SFPQ: variants seen among roughly 807,000 people sequenced by gnomAD.
SFPQ encodes the protein splicing factor, proline- and glutamine-rich.
A neutral mutation model predicts 72.9 loss-of-function variants in SFPQ; 11 were observed. The ratio of observed to expected loss-of-function variants is 0.15; its 90% CI spans 0.09 to 0.25. SFPQ has a LOEUF of 0.25. SFPQ is among the 10% of genes least tolerant of loss of function. The probability of loss-of-function intolerance (pLI) is 1.00; values close to 1 mark genes in which losing one functional copy is unlikely to be tolerated. For missense variants in SFPQ, 847 were observed against 993.3 expected (o/e 0.85, Z 1.98); for synonymous variants, 506 against 367.3 (o/e 1.38, Z -4.32).
In SFPQ at chr1:35,189,188, T is replaced by C; in HGVS notation, c.1610A>G (p.Gln537Arg). The C allele has an allele frequency of 6.2e-7, 1 of 1,613,842 alleles. No individual in the cohort carries two copies. Among genetic ancestry groups the C allele is most frequent in the Non-Finnish European group, 8.5e-7 (1 of 1,179,818 alleles). ...YHEHQANLLR[Q>R]DLMRRQEELR... ...TGTTCACGCACAGGTCTTTTTACCTTGGCGCAAAAGATTTGCCTGATGTTC... is the reference window on the plus strand; with the variant it reads ...TGTTCACGCACAGGTCTTTTTACCTCGGCGCAAAAGATTTGCCTGATGTTC... The change falls in exon 5 of 10, where the codon CAA (glutamine) becomes CGA (arginine). Residue 537 changes from glutamine (Q) to arginine (R), a missense_variant and splice_region_variant. Physicochemically the swap from Gln to Arg is conservative, Grantham distance 43. This residue lies in a region of SFPQ where 132 missense variants were observed against 255.4 expected (regional missense o/e 0.52). Coordinates refer to ENST00000357214, the MANE Select transcript of SFPQ (RefSeq NM_005066.3).
downstream of SFPQ, chr1:35,181,581 A>C (rs1639468350): frequency 9.4e-7 from 1 of 1,061,698 alleles, no homozygotes; most frequent in South Asian, 4.6e-5. Context: ...CCTATTAAAT[A>C]CACTGGGGTC....
downstream of SFPQ, chr1:35,182,373 T>A (rs141868035): frequency 1.0e-6 from 1 of 985,398 alleles, no homozygotes; most frequent in Non-Finnish European, 1.2e-6. Context: ...CTCACTGATA[T>A]AATCATGGTA....
At chr1:35,181,125 T>C, downstream of SFPQ, 1 of 1,065,174 alleles carries the variant, frequency 9.4e-7, no homozygotes, top group Non-Finnish European at 1.1e-6. Flanking sequence ...TTATATTGCT[T>C]GTTACCTACC....
downstream of SFPQ, chr1:35,179,455 C>G: frequency 8.5e-6 from 9 of 1,056,248 alleles, no homozygotes; most frequent in Non-Finnish European, 1.0e-5. Context: ...CACCTCTGAA[C>G]CCAAGACTGT....
downstream of SFPQ, chr1:35,179,260 C>CAT: frequency 9.4e-7 from 1 of 1,061,044 alleles, no homozygotes; most frequent in South Asian, 4.6e-5. Context: ...ATGCAACCCC[C>CAT]ATTAAGGTTA....
chr1:35,190,138 T>A (rs909265973), intron 4 of SFPQ, among the ~76,000 whole-genome samples: 3 of 151,618 alleles, frequency 2.0e-5, no homozygotes, highest in Admixed American at 1.3e-4. Flanking sequence ...CACATGCCTG[T>A]AATCCCAGCT....
At chr1:35,188,391 T>C (rs1037628845) in intron 6 of SFPQ, among the ~76,000 whole-genome samples, 2 of 152,200 alleles carry the variant, frequency 1.3e-5, no homozygotes, top group East Asian at 1.9e-4. Flanking sequence ...AGAATATAAA[T>C]GTTAGTGCAT....
chr1:35,180,017 A>C (rs1372939136), downstream of SFPQ: 3 of 1,051,836 alleles, frequency 2.9e-6, no homozygotes, highest in East Asian at 1.6e-4. Flanking sequence ...CTATCAGTAG[A>C]GTCCAAAGTT....
At chr1:35,176,828 T>A (rs1639261394) in intron 5 of SFPQ, among the ~76,000 whole-genome samples, 1 of 144,546 alleles carries the variant, frequency 6.9e-6, no homozygotes, top group Non-Finnish European at 1.5e-5. Context: ...GAGCCAAGAC[T>A]GTGCACCACT....
rs562316646 is a variant in SFPQ, at chr1:35,188,205, C to T, written c.1698-115G>A. On this transcript the variant is annotated intron_variant, in intron 6 of 9. Coordinates refer to ENST00000357214, the MANE Select transcript of SFPQ (RefSeq NM_005066.3). ...AGGTTAGCACTAAAAAACACAAAGG[C>T]TTAGAGTGAGCCTAGGGGCATAGTA... 31 of 772,212 alleles carry T rather than the reference C, an allele frequency of 4.0e-5. No individual in the cohort carries two copies. The East Asian group carries it at 7.3e-4, about 18-fold the overall frequency. The allele number at this position is 772,212 out of a possible 1,614,324, so 47.8% of individuals were successfully genotyped here. A position where few individuals can be genotyped will look rare whatever the true frequency, so the allele number is the denominator to read the frequency against.
intron 7 of SFPQ, among the ~76,000 whole-genome samples, chr1:35,187,753 AAAAAC>A (rs1028468568): frequency 3.3e-5 from 5 of 152,092 alleles, no homozygotes; most frequent in African/African-American, 4.8e-5. Context: ...AAACAAACAA[AAAAAC>A]AAAACAAAAC....
chr1:35,178,761 A>G (rs945702135), downstream of SFPQ: 3 of 1,054,308 alleles, frequency 2.8e-6, no homozygotes, highest in Non-Finnish European at 3.4e-6. Flanking sequence ...ATTACTGCAA[A>G]GGGTATATGA....
chr1:35,180,670 C>G, downstream of SFPQ: 1 of 1,054,960 alleles, frequency 9.5e-7, no homozygotes, highest in Non-Finnish European at 1.1e-6. Flanking sequence ...TTCAACTCAA[C>G]TTGTAGAATT....
intron 9 of SFPQ, among the ~76,000 whole-genome samples, chr1:35,184,972 A>C (rs1639638087): frequency 6.6e-6 from 1 of 152,232 alleles, no homozygotes; most frequent in Non-Finnish European, 1.5e-5. Context: ...CGGAAATTTA[A>C]TTTCCAAGTA....
downstream of SFPQ, chr1:35,180,138 G>T: frequency 9.5e-7 from 1 of 1,049,292 alleles, no homozygotes; most frequent in Non-Finnish European, 1.2e-6. Flanking sequence ...TCATAGTCAT[G>T]AAGTTTTCAT....
At position 35,192,915 on chromosome 1, in the gene SFPQ, G is replaced by T; in HGVS notation, c.135C>A (p.Gly45=). ...PPGMGLNQNR[G]PMGPGPGQSG... ...TCTGGCCCGGGCCAGGACCCATGGG[G>T]CCGCGATTCTGATTGAGGCCCATGC... Residue 45 remains glycine (G), a synonymous_variant, in exon 1 of 10, where the codon GGC becomes GGA. Coordinates refer to ENST00000357214, the MANE Select transcript of SFPQ (RefSeq NM_005066.3). The T allele has an allele frequency of 6.3e-7, 1 of 1,582,512 alleles. No individual in the cohort carries two copies. Among genetic ancestry groups the T allele is most frequent in the Non-Finnish European group, 8.5e-7 (1 of 1,172,624 alleles).
At chr1:35,179,162 A>C (rs993741333), downstream of SFPQ, 1 of 1,060,260 alleles carries the variant, frequency 9.4e-7, no homozygotes, top group African/African-American at 1.6e-5. Flanking sequence ...GGCTCTCTAA[A>C]ACCTGTCCAA....
At chr1:35,187,146 C>T (rs1639759016) in intron 8 of SFPQ, 24 bp from the exon 9 acceptor site, 1 of 1,614,016 alleles carries the variant, frequency 6.2e-7, no homozygotes. Flanking sequence ...ATAGTGGTTA[C>T]AACTCCACCA....
In SFPQ at chr1:35,187,196, C is replaced by T. The variant is rs970512851; in HGVS notation, c.1864+7G>A. On this transcript the variant is annotated splice_region_variant and intron_variant, in intron 8 of 9. Coordinates refer to ENST00000357214, the MANE Select transcript of SFPQ (RefSeq NM_005066.3). ...ACTTATATCATTAATTTAAATTTCA[C>T]ACTTACCTCCCATGTTCATTGCTCC... 1 of 1,614,120 alleles carries T rather than the reference C, an allele frequency of 6.2e-7. No homozygotes were observed. The highest frequency in any genetic ancestry group is 2.2e-5 in the East Asian group (1 of 44,882).
Sources: gnomAD v4.1 joint callset for allele counts (sites outside exome capture counted in the v4.1 genomes callset) on GRCh38, gnomAD v4.1.1 for gene constraint, gnomAD v4.1.1 regional missense constraint, MANE v1.5 for transcripts, NCBI Gene and HGNC (gene_info 2026-07-23, HGNC 2026-07-21) for gene names.